Variants in ZAN observed in about 807,000 individuals in gnomAD.
ZAN encodes zonadhesin, also known as zonadhesin (gene/pseudogene).
In ZAN, 260 loss-of-function variants were observed where a neutral mutation model predicts 286.2. The ratio of observed to expected loss-of-function variants is 0.91; its 90% CI spans 0.82 to 1.01. The LOEUF (loss-of-function observed/expected upper bound fraction) is 1.01, where lower values mean the gene tolerates loss of function less well. Among genes scored for constraint, ZAN ranks in the 50% least tolerant of loss-of-function variants. ZAN has a pLI of 0.00. For missense variants in ZAN, 3,410 were observed against 3,639.2 expected (o/e 0.94, Z 1.62); for synonymous variants, 1,368 against 1,417.5 (o/e 0.97, Z 0.79).
At chr7:100,758,779 C>T in intron 17 of ZAN, 129 bp downstream of exon 17, 1 of 1,427,612 alleles carries the variant, frequency 7.0e-7, no homozygotes, top group South Asian at 1.4e-5. Context: ...GGAGCAAGTT[C>T]TTCTGTAAGG....
chr7:100,772,874 GTTT>G (rs1216759374), intron 29 of ZAN, among the ~76,000 whole-genome samples: 3 of 122,008 alleles, frequency 2.5e-5, no homozygotes, highest in Non-Finnish European at 1.7e-5. Context: ...TTTTTTGTTT[GTTT>G]TTTTTTTTTT....
intron 26 of ZAN, 123 bp downstream of exon 26, chr7:100,768,134 G>A (rs764006296): frequency 2.4e-4 from 296 of 1,252,862 alleles, no homozygotes; most frequent in Middle Eastern, 1.0e-3. Context: ...ATTCGTTGAG[G>A]ACATTAGGCA....
chr7:100,754,092 G>A (rs1256108628), intron 14 of ZAN, among the ~76,000 whole-genome samples: 4 of 151,986 alleles, frequency 2.6e-5, no homozygotes, highest in African/African-American at 9.7e-5. Flanking sequence ...TTTGTGTTTG[G>A]CTTCTTTCAC....
chr7:100,788,793 G>A (rs1811744225), intron 38 of ZAN, among the ~76,000 whole-genome samples: 1 of 152,078 alleles, frequency 6.6e-6, no homozygotes, highest in Admixed American at 6.6e-5. Context: ...CCACCTCCCA[G>A]GTTCAAGTGA....
In ZAN at chr7:100,764,069, C is replaced by T. The variant is rs748882900; in HGVS notation, c.4140C>T (p.Ser1380=). 2 of 1,613,856 alleles carry T rather than the reference C, an allele frequency of 1.2e-6. No homozygotes were observed. The highest frequency in any genetic ancestry group is 1.7e-4 in the Middle Eastern group (1 of 6,058). ...TGAAGGCCGCTTCCTTCTTCGACAGCTGCATGCTTGATATGTGCGGATTCC... is the reference window on the plus strand; with the variant it reads ...TGAAGGCCGCTTCCTTCTTCGACAGTTGCATGCTTGATATGTGCGGATTCC... ...LHVKAASFFD[S]CMLDMCGFQG... The change falls in exon 22 of 48, where the codon AGC becomes AGT. Residue 1380 remains serine, a synonymous_variant. Transcript: ENST00000613979.
intron 17 of ZAN, 29 bp downstream of exon 17, chr7:100,758,679 G>C: frequency 1.3e-6 from 2 of 1,547,090 alleles, no homozygotes; most frequent in African/African-American, 1.4e-5. Context: ...ACTGCGGCCT[G>C]GGGGGAGGGT....
rs928543413 is a variant in ZAN, at chr7:100,760,317, T to A, written c.3697-74T>A. On this transcript the variant is annotated intron_variant, in intron 18 of 47. Transcript: ENST00000613979. ...TGGATGGTGTCCTGCCTCCCAGCTA[T>A]GGAAATGAAAGTCTGCTGGGGTCCT... 3.2e-6 allele frequency: 5 copies of A among 1,570,430 alleles called. No individual in the cohort carries two copies. In the African/African-American group the frequency reaches 6.8e-5, roughly 21 times the overall value.
At chr7:100,791,332 TC>T (rs1409005446) in intron 40 of ZAN, among the ~76,000 whole-genome samples, 1 of 151,930 alleles carries the variant, frequency 6.6e-6, no homozygotes, top group Non-Finnish European at 1.5e-5. Flanking sequence ...CAGCCTGCCT[TC>T]CCAGTTATTT....
rs202221420 is a variant in ZAN at position 100,752,821 on chromosome 7, C to T, written c.2716C>T (p.Pro906Ser). The T allele has an allele frequency of 3.3e-5, 52 of 1,593,872 alleles. No individual in the cohort carries two copies. The African/African-American group carries it at 6.6e-4, about 20-fold the overall frequency. The part of the protein sequence containing the change: ...TEKLTIPTEK[P>S]TISPEKPTIS... ...AAAACTCACCATCCCCACAGAAAAA[C>T]CCACCATCTCCCCAGAAAAACCCAC... is the stretch of plus-strand genomic sequence containing the variant. The change falls in exon 14 of 48, where the codon CCC becomes TCC. Residue 906 changes from proline (P) to serine (S), a missense_variant. Coordinates refer to ENST00000613979, the MANE Select transcript of ZAN (RefSeq NM_003386.3).
At position 100,750,856 on chromosome 7, in the gene ZAN, C is replaced by T; in HGVS notation, c.1481C>T (p.Thr494Ile). 1.3e-6 allele frequency: 2 copies of T among 1,574,200 alleles called. No homozygotes were observed. ...VGSQRPYWQN[T>I]SVTVPSGHQQ... ...TCTCAGCGCCCTTACTGGCAGAACA[C>T]CTCCGTCACCGTCCCCTCAGGACAC... Residue 494 changes from threonine to isoleucine, a missense_variant, in exon 12 of 48, where the codon ACC becomes ATC. Around this residue, in one of 7 missense-constraint regions of ZAN, gnomAD observed 872 missense variants for 938.9 expected, o/e 0.93. Coordinates refer to ENST00000613979, the MANE Select transcript of ZAN (RefSeq NM_003386.3).
intron 9 of ZAN, 95 bp from the exon 10 acceptor site, chr7:100,748,042 A>T: frequency 1.0e-6 from 1 of 987,486 alleles, no homozygotes; most frequent in Non-Finnish European, 1.6e-6. Flanking sequence ...CACAGGGAGT[A>T]GGGATTCTGG....
intron 19 of ZAN, among the ~76,000 whole-genome samples, chr7:100,760,981 C>T (rs553643698): frequency 3.5e-4 from 54 of 152,280 alleles, no homozygotes; most frequent in African/African-American, 1.3e-3. Flanking sequence ...ACTGCAACCT[C>T]TGCCTCCCAG....
rs1240949064 is a variant in ZAN, at chr7:100,739,003, CCTT to C, written c.766+397_766+399del. Among the ~76,000 whole-genome samples the C allele has an allele frequency of 4.3e-5, 3 of 69,664 alleles. 1 individual carries two copies. The highest frequency in any genetic ancestry group is 1.6e-4 in the Admixed American group (1 of 6,204). 45.7% of individuals were successfully genotyped at this position (69,664 alleles called of 152,430 possible). A position where few individuals can be genotyped will look rare whatever the true frequency, so the allele number is the denominator to read the frequency against. On this transcript the variant is annotated intron_variant, in intron 7 of 47. Transcript: ENST00000613979. The stretch of plus-strand genomic sequence containing the variant: ...TCCCTCTCCCTCTCCTTCTCCTTCT[CCTT>C]CTTCTTTTTCTTTTTTTTTTTTTGA...
chr7:100,744,267 C>T (rs1450414181), intron 7 of ZAN, among the ~76,000 whole-genome samples: 2 of 151,178 alleles, frequency 1.3e-5, no homozygotes, highest in South Asian at 2.1e-4. Flanking sequence ...TCCTGCACTC[C>T]TGTCTCTGAT....
At position 100,737,111 on chromosome 7, in the gene ZAN, G is replaced by C. The variant is rs930642620; in HGVS notation, c.525+31G>C. The C allele has an allele frequency of 4.1e-6, 6 of 1,476,898 alleles. 1 individual carries two copies. The highest frequency in any genetic ancestry group is 3.7e-6 in the Non-Finnish European group (4 of 1,084,160). 91.5% of individuals were successfully genotyped at this position (1,476,898 alleles called of 1,614,324 possible). A position where few individuals can be genotyped will look rare whatever the true frequency, so the allele number is the denominator to read the frequency against. Reference sequence around the variant, plus strand: ...GCCGGGGACAAATTGTGGGACCTCGGGGGGGAGTCTGGGTGTTGGAGAGCC... The same window carrying C: ...GCCGGGGACAAATTGTGGGACCTCGCGGGGGAGTCTGGGTGTTGGAGAGCC... On this transcript the variant is annotated intron_variant, in intron 5 of 47. Transcript: ENST00000613979.
chr7:100,785,471 T>G (rs1283676280), intron 36 of ZAN, among the ~76,000 whole-genome samples: 1 of 151,980 alleles, frequency 6.6e-6, no homozygotes, highest in Non-Finnish European at 1.5e-5. Context: ...CCTCAAGTGA[T>G]CTGCCCGCCT....
rs943321684 is a variant in ZAN, at chr7:100,794,246, G to C, written c.8113G>C (p.Gly2705Arg). The change falls in exon 44 of 48, where the codon GGC becomes CGC. Residue 2705 changes from glycine (G) to arginine (R), a missense_variant. Coordinates refer to ENST00000613979, the MANE Select transcript of ZAN (RefSeq NM_003386.3). ...EVCTLGNHTQ[G>R]CFPESPCLQN... ...CTGCACCCTGGGGAACCACACCCAA[G>C]GCTGCTTTCCAGGTGAACCTGCACT... 1.2e-6 allele frequency: 2 copies of C among 1,604,874 alleles called. No homozygotes were observed.
Position 100,793,825 on chromosome 7 carries a change from G to A in ZAN, c.7793G>A (p.Gly2598Glu), listed in dbSNP as rs1812157441. The A allele has an allele frequency of 1.3e-6, 2 of 1,591,986 alleles. No individual in the cohort carries two copies. The highest frequency in any genetic ancestry group is 8.6e-7 in the Non-Finnish European group (1 of 1,166,460). The change falls in exon 43 of 48, where the codon GGA becomes GAA. Residue 2598 changes from glycine (G) to glutamate (E), a missense_variant. Physicochemically the swap from Gly to Glu is moderately conservative, Grantham distance 98 (BLOSUM62 -2). Transcript: ENST00000613979. ...GACCATGACTGTCCCCGCAGCCATG[G>A]AGTGTCCAGCAGGTACCATATATCA... ...ELRCQVLSGH[G>E]VSSRYHISEL...
chr7:100,749,852 A>G (rs1808521005), intron 11 of ZAN, among the ~76,000 whole-genome samples: 1 of 150,664 alleles, frequency 6.6e-6, no homozygotes, highest in Admixed American at 6.6e-5. Flanking sequence ...AAAGTTCAAG[A>G]CTAGCCTGGC....
Sources: allele counts gnomAD v4.1 joint callset (sites outside exome capture counted in the v4.1 genomes callset), GRCh38; gene constraint gnomAD v4.1.1; regional missense constraint gnomAD v4.1.1; transcripts MANE v1.5; gene names NCBI Gene and HGNC (gene_info 2026-07-23, HGNC 2026-07-21).